The following TACC1 variants were observed in gnomAD, a reference collection of about 807,000 sequenced individuals.
The protein encoded by TACC1 is transforming acidic coiled-coil-containing protein 1.
A neutral mutation model predicts 84.4 loss-of-function variants in TACC1; 48 were observed. The observed-to-expected ratio is 0.57, with a 90% CI of 0.45 to 0.72. The LOEUF is 0.72. Ranked by LOEUF, TACC1 falls within the 30% of genes least tolerant of loss-of-function variation. The pLI is 0.00. For missense variants in TACC1, 920 were observed against 973.0 expected (o/e 0.95, Z 0.72); for synonymous variants, 372 against 376.3 (o/e 0.99, Z 0.13).
Position 38,850,896 on chromosome 8 carries a change from T to C in TACC1, c.*2873T>C, listed in dbSNP as rs1832998979. On this transcript the variant is annotated 3_prime_UTR_variant, in exon 13 of 13. Transcript: ENST00000317827. ...TGTTGAGATTCTGGATCCAGAGCAA[T>C]TTCTTTAGCTTTTGACTTTGCCAAA... 6.6e-6 allele frequency: 1 copy of C among 152,526 alleles called. No homozygotes were observed. The highest frequency in any genetic ancestry group is 1.5e-5 in the Non-Finnish European group (1 of 68,046). The allele number at this position is 152,526 out of a possible 1,614,324, so 9.4% of individuals were successfully genotyped here.
chr8:38,752,109 A>G (rs570075454), intron 3 of TACC1, among the ~76,000 whole-genome samples: 34 of 152,294 alleles, frequency 2.2e-4, no homozygotes, highest in African/African-American at 7.0e-4. Context: ...GTATTTCGCA[A>G]TCTTATAGGC....
At chr8:38,774,053 A>G (rs1471517198) in intron 3 of TACC1, among the ~76,000 whole-genome samples, 1 of 152,104 alleles carries the variant, frequency 6.6e-6, no homozygotes, top group Non-Finnish European at 1.5e-5. Flanking sequence ...TCCTCCCTCC[A>G]GCAGCTGCTC....
Position 38,810,211 on chromosome 8 carries a change from A to C in TACC1, c.278-9311A>C, listed in dbSNP as rs112778860. Among the ~76,000 whole-genome samples, 685 of 152,172 alleles carry C rather than the reference A, an allele frequency of 4.5e-3. 5 individuals carry two copies. The highest frequency in any genetic ancestry group is 0.016 in the African/African-American group (646 of 41,506). ...GATCATGTCATTATACCTGTGATGT[A>C]ATTATCAATAATATTACTCTTTTAA... On this transcript the variant is annotated intron_variant, in intron 2 of 12. Coordinates refer to ENST00000317827, the MANE Select transcript of TACC1 (RefSeq NM_006283.3).
chr8:38,808,663 A>T (rs73613042), intron 2 of TACC1, among the ~76,000 whole-genome samples: 29,422 of 152,122 alleles, frequency 0.19, 3,454 homozygotes, highest in Non-Finnish European at 0.27. Flanking sequence ...AACACCCCCT[A>T]CTTTGGCCTC....
Position 38,848,829 on chromosome 8 carries a change from T to G in TACC1, c.*806T>G, listed in dbSNP as rs1036107564. On this transcript the variant is annotated 3_prime_UTR_variant, in exon 13 of 13. Transcript: ENST00000317827. The stretch of plus-strand genomic sequence containing the variant: ...TTAGGGTTAGTCCTCAGACTAATGA[T>G]AGTGTCTGCTTTCTGCATGAACGGC... 1.3e-5 allele frequency: 2 copies of G among 152,248 alleles called. No homozygotes were observed. Among genetic ancestry groups the G allele is most frequent in the Admixed American group, 1.3e-4 (2 of 15,286 alleles). The allele number at this position is 152,248 out of a possible 1,614,324, so 9.4% of individuals were successfully genotyped here.
chr8:38,836,050 T>C, intron 6 of TACC1, 112 bp from the exon 7 acceptor site: 1 of 1,452,184 alleles, frequency 6.9e-7, no homozygotes, highest in Non-Finnish European at 9.2e-7. Context: ...GACTTTTCTT[T>C]AAACATGGTT....
chr8:38,751,210 C>A (rs933196431), intron 3 of TACC1, among the ~76,000 whole-genome samples: 1 of 150,690 alleles, frequency 6.6e-6, no homozygotes, highest in Non-Finnish European at 1.5e-5. Flanking sequence ...AAAAAAAAAT[C>A]CATGTTGAAC....
intron 3 of TACC1, among the ~76,000 whole-genome samples, chr8:38,823,460 C>CT (rs1349353669): frequency 6.6e-6 from 1 of 152,114 alleles, no homozygotes; most frequent in Non-Finnish European, 1.5e-5. Flanking sequence ...ATTTGTGAGT[C>CT]TTTGAGTTGC....
chr8:38,830,705 T>C (rs1829037826), intron 5 of TACC1, among the ~76,000 whole-genome samples: 1 of 152,250 alleles, frequency 6.6e-6, no homozygotes, highest in Admixed American at 6.5e-5. Flanking sequence ...TATTATCTTA[T>C]CTGCTGCATT....
chr8:38,780,023 C>T (rs562642256), intron 3 of TACC1, among the ~76,000 whole-genome samples: 1 of 152,300 alleles, frequency 6.6e-6, no homozygotes, highest in African/African-American at 2.4e-5. Context: ...TTTTCCATGG[C>T]CTGTTGTTTG....
At chr8:38,761,168 C>A (rs1811136695) in intron 3 of TACC1, among the ~76,000 whole-genome samples, 1 of 152,188 alleles carries the variant, frequency 6.6e-6, no homozygotes, top group African/African-American at 2.4e-5. Context: ...TGAAATCACT[C>A]ATTCCTTAGT....
Position 38,787,534 on chromosome 8 carries a change from C to A in TACC1, c.-49C>A, listed in dbSNP as rs770392454. The A allele has an allele frequency of 4.7e-6, 7 of 1,482,696 alleles. No individual in the cohort carries two copies. Among genetic ancestry groups the A allele is most frequent in the African/African-American group, 1.5e-5 (1 of 67,834 alleles). 91.8% of individuals were successfully genotyped at this position (1,482,696 alleles called of 1,614,324 possible). ...CATTTTGAAAGGGAAAAAGGCTCTC[C>A]CCACCCATTCCCCTGCCCCTAGGAG... On this transcript the variant is annotated 5_prime_UTR_variant, in exon 1 of 13. Transcript: ENST00000317827.
In TACC1 at chr8:38,820,771, C is replaced by A. The variant is rs943812977; in HGVS notation, c.1391+136C>A. 45 of 1,203,906 alleles carry A rather than the reference C, an allele frequency of 3.7e-5. No homozygotes were observed. The African/African-American group carries it at 6.4e-4, about 17-fold the overall frequency. The allele number at this position is 1,203,906 out of a possible 1,614,324, so 74.6% of individuals were successfully genotyped here. A position where few individuals can be genotyped will look rare whatever the true frequency, so the allele number is the denominator to read the frequency against. ...TTCATACAAAGCTTATAATGTTATC[C>A]TGCAGTCTTCACTGTTTGGCTTAAC... On this transcript the variant is annotated intron_variant, in intron 3 of 12. Transcript: ENST00000317827.
At chr8:38,739,707 G>A (rs1806703824) in intron 1 of TACC1, among the ~76,000 whole-genome samples, 1 of 152,158 alleles carries the variant, frequency 6.6e-6, no homozygotes, top group East Asian at 1.9e-4. Context: ...ATAGTGTCCT[G>A]TTTCCACCAT....
chr8:38,836,144 T>A lies in TACC1; in HGVS notation c.1714-18T>A. Reference sequence around the variant, plus strand: ...AAGCTGAAAGCTGACAGATTCAGTGTAATCCCTTTCCCCACAGGGGCTGCT... The same window carrying A: ...AAGCTGAAAGCTGACAGATTCAGTGAAATCCCTTTCCCCACAGGGGCTGCT... On this transcript the variant is annotated intron_variant, in intron 6 of 12. Transcript: ENST00000317827. 6.2e-7 allele frequency: 1 copy of A among 1,612,420 alleles called. No homozygotes were observed. The highest frequency in any genetic ancestry group is 1.1e-5 in the South Asian group (1 of 91,048).
At chr8:38,754,023 C>T (rs1407180164) in intron 3 of TACC1, among the ~76,000 whole-genome samples, 1 of 150,772 alleles carries the variant, frequency 6.6e-6, no homozygotes, top group Admixed American at 6.6e-5. Context: ...GCACGATCTC[C>T]GTTCATTGCA....
At chr8:38,765,922 G>T (rs1812162475) in intron 3 of TACC1, among the ~76,000 whole-genome samples, 1 of 152,032 alleles carries the variant, frequency 6.6e-6, no homozygotes, top group Non-Finnish European at 1.5e-5. Context: ...TCTTAAGGTT[G>T]CATTTTAAGC....
At chr8:38,759,524 A>C (rs1810794236) in intron 3 of TACC1, among the ~76,000 whole-genome samples, 2 of 152,224 alleles carry the variant, frequency 1.3e-5, no homozygotes, top group Admixed American at 6.5e-5. Context: ...TTACCCGTAT[A>C]ATATAAACAT....
intron 8 of TACC1, chr8:38,839,150 A>C (rs1321231225): frequency 1.2e-5 from 4 of 332,676 alleles, no homozygotes; most frequent in Non-Finnish European, 1.6e-5. Context: ...CAGCCTCCCA[A>C]AGTGCTGGGA....
Sources: gnomAD v4.1 joint callset for allele counts (sites outside exome capture counted in the v4.1 genomes callset) on GRCh38, gnomAD v4.1.1 for gene constraint, MANE v1.5 for transcripts, NCBI Gene and HGNC (gene_info 2026-07-23, HGNC 2026-07-21) for gene names.